Variants in IGSF11 observed in about 807,000 individuals in gnomAD.
The protein encoded by IGSF11 is immunoglobulin superfamily member 11, also known as CXADR like 1.
In IGSF11, 22 loss-of-function variants were observed where a neutral mutation model predicts 41.0. That is an observed-to-expected ratio of 0.54 (90% confidence interval 0.38 to 0.77). IGSF11 has a LOEUF of 0.77. IGSF11 is among the 30% of genes least tolerant of loss of function. The pLI is 0.00. For synonymous variants in IGSF11, 219 were observed against 201.3 expected, an observed-to-expected ratio of 1.09 and a Z score of -0.74; for missense variants, 444 against 530.8, an observed-to-expected ratio of 0.84 and a Z score of 1.61.
intron 1 of IGSF11, among the ~76,000 whole-genome samples, chr3:119,098,180 T>G (rs1364711862): frequency 6.6e-6 from 1 of 152,002 alleles, no homozygotes; most frequent in Non-Finnish European, 1.5e-5. Context: ...GTATTAAAAC[T>G]GCCTTAGTTA....
intron 1 of IGSF11, among the ~76,000 whole-genome samples, chr3:118,959,692 A>G (rs1242602698): frequency 6.6e-6 from 1 of 152,142 alleles, no homozygotes; most frequent in African/African-American, 2.4e-5. Flanking sequence ...TTGATTAGAG[A>G]GAATAGCTGT....
In IGSF11 at chr3:118,935,018, C is replaced by A. The variant is rs549751271; in HGVS notation, c.53-4743G>T. The stretch of plus-strand genomic sequence containing the variant: ...CAATAGCTCAAGTGATACCTTCTCA[C>A]AAGAAAAGCCCTGACCTCTCAGTCT... On this transcript the variant is annotated intron_variant, in intron 1 of 6. Coordinates refer to ENST00000393775, the MANE Select transcript of IGSF11 (RefSeq NM_001015887.3). Among the ~76,000 whole-genome samples, 21 of 152,006 alleles carry A rather than the reference C, an allele frequency of 1.4e-4. No individual in the cohort carries two copies. The East Asian group carries it at 3.7e-3, about 27-fold the overall frequency.
chr3:119,065,717 C>A (rs999579023), intron 1 of IGSF11, among the ~76,000 whole-genome samples: 1 of 141,066 alleles, frequency 7.1e-6, no homozygotes, highest in Non-Finnish European at 1.5e-5. Flanking sequence ...TGCTTGAATC[C>A]GGGAGGTGGA....
intron 1 of IGSF11, chr3:118,947,329 G>GGGAT (rs1944231972): frequency 6.6e-6 from 1 of 152,150 alleles, no homozygotes; most frequent in Non-Finnish European, 1.5e-5. Flanking sequence ...TGAGGATTTA[G>GGGAT]GGATGAAATC....
intron 1 of IGSF11, among the ~76,000 whole-genome samples, chr3:118,968,202 G>A (rs904009539): frequency 6.6e-6 from 1 of 152,160 alleles, no homozygotes; most frequent in African/African-American, 2.4e-5. Flanking sequence ...TGGGTTTTAT[G>A]TTCTTTTCTG....
Position 118,969,848 on chromosome 3 carries a change from C to T in IGSF11, c.53-39573G>A, listed in dbSNP as rs563825266. Among the ~76,000 whole-genome samples, 3 of 152,222 alleles carry T rather than the reference C, an allele frequency of 2.0e-5. No homozygotes were observed. The South Asian group carries it at 6.2e-4, about 32-fold the overall frequency. ...TGGGTGGAGGTCATCAGCATTTATC[C>T]ACAAACATCTGTAGCTCTCCTACAG... On this transcript the variant is annotated intron_variant, in intron 1 of 6. Transcript: ENST00000393775.
At chr3:118,920,402 A>T (rs1307578095) in intron 4 of IGSF11, among the ~76,000 whole-genome samples, 23 of 152,074 alleles carry the variant, frequency 1.5e-4, no homozygotes, top group Non-Finnish European at 1.5e-5. Context: ...ATTGAACCAT[A>T]CCCATAATCA....
chr3:119,130,442 G>C (rs1020032204), intron 1 of IGSF11, among the ~76,000 whole-genome samples: 43 of 152,342 alleles, frequency 2.8e-4, no homozygotes, highest in African/African-American at 1.0e-3. Flanking sequence ...TGCCCACAGA[G>C]CCTTGCTCAC....
chr3:118,936,575 G>A (rs928655940), intron 1 of IGSF11, among the ~76,000 whole-genome samples: 3 of 151,294 alleles, frequency 2.0e-5, no homozygotes, highest in African/African-American at 4.9e-5. Flanking sequence ...CATAATTTAA[G>A]AGCCAAAGTG....
intron 1 of IGSF11, among the ~76,000 whole-genome samples, chr3:118,934,728 T>C (rs1355227580): frequency 3.3e-5 from 5 of 152,196 alleles, no homozygotes; most frequent in Middle Eastern, 3.2e-3. Context: ...CCTATGGTTG[T>C]GAATGGCTCG....
intron 1 of IGSF11, among the ~76,000 whole-genome samples, chr3:119,132,378 C>CAAAAAA (rs58700219): frequency 1.3e-4 from 5 of 39,784 alleles, no homozygotes; most frequent in Admixed American, 4.2e-4. Context: ...AAACAGAAAG[C>CAAAAAA]AAAAAAAAAA....
chr3:119,051,361 A>C (rs1416953260), intron 1 of IGSF11, among the ~76,000 whole-genome samples: 1 of 151,912 alleles, frequency 6.6e-6, no homozygotes, highest in Non-Finnish European at 1.5e-5. Flanking sequence ...TTAAAGCAAC[A>C]ACAGTTAAAA....
At chr3:119,099,456 G>A (rs576174110) in intron 1 of IGSF11, among the ~76,000 whole-genome samples, 1 of 152,294 alleles carries the variant, frequency 6.6e-6, no homozygotes, top group Admixed American at 6.5e-5. Flanking sequence ...GGAGTACAGG[G>A]AAAGAAAGTT....
chr3:118,914,000 G>C (rs1037035386), intron 4 of IGSF11, among the ~76,000 whole-genome samples: 4 of 152,104 alleles, frequency 2.6e-5, no homozygotes, highest in African/African-American at 7.2e-5. Flanking sequence ...ACAAGGATTA[G>C]GGAAAATGGA....
At chr3:119,002,223 T>C (rs1452161616) in intron 1 of IGSF11, among the ~76,000 whole-genome samples, 37 of 136,834 alleles carry the variant, frequency 2.7e-4, no homozygotes, top group African/African-American at 7.8e-4. Flanking sequence ...TGATGGCCAG[T>C]GATGATGAGC....
At chr3:119,061,697 A>G (rs1044017921) in intron 1 of IGSF11, among the ~76,000 whole-genome samples, 4 of 152,198 alleles carry the variant, frequency 2.6e-5, no homozygotes, top group African/African-American at 9.6e-5. Flanking sequence ...ATATACTTTC[A>G]CGGGAACCCA....
At chr3:119,042,977 C>G (rs902825629) in intron 1 of IGSF11, among the ~76,000 whole-genome samples, 1 of 152,162 alleles carries the variant, frequency 6.6e-6, no homozygotes, top group Non-Finnish European at 1.5e-5. Context: ...GTTCTCTGAC[C>G]TGGGGTTCTT....
At chr3:118,962,983 A>C (rs1192386420) in intron 1 of IGSF11, among the ~76,000 whole-genome samples, 2 of 152,182 alleles carry the variant, frequency 1.3e-5, no homozygotes, top group African/African-American at 4.8e-5. Context: ...GGTAGTCTTT[A>C]CAAAAGCAAT....
intron 1 of IGSF11, among the ~76,000 whole-genome samples, chr3:118,991,942 G>A (rs544203591): frequency 6.6e-6 from 1 of 152,182 alleles, no homozygotes; most frequent in Non-Finnish European, 1.5e-5. Context: ...TGCTAGTCCC[G>A]TACAATGCAC....
Sources: gnomAD v4.1 joint callset for allele counts (sites outside exome capture counted in the v4.1 genomes callset) on GRCh38, gnomAD v4.1.1 for gene constraint, MANE v1.5 for transcripts, NCBI Gene and HGNC (gene_info 2026-07-23, HGNC 2026-07-21) for gene names.